Variants in CCDC141 observed in about 807,000 individuals in gnomAD.
CCDC141 encodes the protein coiled-coil domain containing 141.
Under a neutral mutation model 181.0 loss-of-function variants are expected in CCDC141, and 168 were observed. The ratio of observed to expected loss-of-function variants is 0.93; its 90% CI spans 0.82 to 1.05. The LOEUF is 1.05. Among genes scored for constraint, CCDC141 ranks in the 50% least tolerant of loss-of-function variants. CCDC141 has a pLI of 0.00. For missense variants in CCDC141, 1,902 were observed against 1,788.5 expected, an observed-to-expected ratio of 1.06 and a Z score of -1.14; for synonymous variants, 666 against 642.3, an observed-to-expected ratio of 1.04 and a Z score of -0.56.
intron 12 of CCDC141, 47 bp from the exon 13 acceptor site, chr2:178,872,359 A>G: frequency 6.6e-7 from 1 of 1,520,704 alleles, no homozygotes; most frequent in Non-Finnish European, 9.0e-7. Context: ...CCCAAGAGAT[A>G]CAGCTTTTTG....
intron 2 of CCDC141, 45 bp from the exon 3 acceptor site, chr2:178,978,720 G>A: frequency 5.1e-6 from 7 of 1,372,048 alleles, no homozygotes; most frequent in Non-Finnish European, 6.8e-6. Context: ...TTAACTTAAT[G>A]TAAGAACACA....
Position 178,845,606 on chromosome 2 carries a change from G to A in CCDC141, c.3474+20C>T, listed in dbSNP as rs755562230. On this transcript the variant is annotated intron_variant, in intron 22 of 23. Transcript: ENST00000443758. ...CAAAGCAAAAGTCCTCAATAGCTGA[G>A]GTTAAGTAGTTTTCTTTACCTTATT... 7.5e-7 allele frequency: 1 copy of A among 1,334,264 alleles called. No homozygotes were observed. Among genetic ancestry groups the A allele is most frequent in the Admixed American group, 1.7e-5 (1 of 59,426 alleles). The allele number at this position is 1,334,264 out of a possible 1,614,324, so 82.7% of individuals were successfully genotyped here.
At chr2:178,881,494 A>G (rs1184980817) in intron 11 of CCDC141, among the ~76,000 whole-genome samples, 1 of 152,220 alleles carries the variant, frequency 6.6e-6, no homozygotes, top group African/African-American at 2.4e-5. Context: ...TACGGCAGAA[A>G]GATTAAGAGG....
chr2:178,973,172 A>G (rs528076441), intron 4 of CCDC141, among the ~76,000 whole-genome samples: 1 of 152,280 alleles, frequency 6.6e-6, no homozygotes, highest in East Asian at 1.9e-4. Context: ...ATCATATCCC[A>G]TGGAATTAGT....
chr2:178,890,641 T>G (rs1687102764), intron 8 of CCDC141, among the ~76,000 whole-genome samples: 1 of 152,166 alleles, frequency 6.6e-6, no homozygotes. Context: ...TGCTCTAGCA[T>G]CCCCTCCTGC....
downstream of CCDC141, among the ~76,000 whole-genome samples, chr2:178,825,992 T>C (rs1467191477): frequency 3.3e-5 from 5 of 152,204 alleles, no homozygotes; most frequent in Non-Finnish European, 7.3e-5. Context: ...CACTAGTTAG[T>C]GTTTCCAGTC....
At chr2:179,040,308 T>G (rs2043261025) in intron 2 of CCDC141, among the ~76,000 whole-genome samples, 1 of 152,202 alleles carries the variant, frequency 6.6e-6, no homozygotes, top group Admixed American at 6.5e-5. Flanking sequence ...AAGAACAAGA[T>G]GTTTAATTCT....
At position 178,985,408 on chromosome 2, in the gene CCDC141, T is replaced by C. The variant is rs1482508315; in HGVS notation, c.226-6733A>G. On this transcript the variant is annotated intron_variant, in intron 2 of 23. Transcript: ENST00000443758. The stretch of plus-strand genomic sequence containing the variant: ...ACCCTAACATCACAATTAAAAGAAC[T>C]AGAAAAGCAAGAGCAAACACATTCA... Among the ~76,000 whole-genome samples the C allele has an allele frequency of 3.6e-5, 5 of 137,108 alleles. No homozygotes were observed. The East Asian group carries it at 1.1e-3, about 29-fold the overall frequency. The allele number at this position is 137,108 out of a possible 152,430, so 89.9% of individuals were successfully genotyped here. A position where few individuals can be genotyped will look rare whatever the true frequency, so the allele number is the denominator to read the frequency against.
At chr2:178,923,852 G>C (rs1451854219) in intron 6 of CCDC141, among the ~76,000 whole-genome samples, 1 of 152,104 alleles carries the variant, frequency 6.6e-6, no homozygotes, top group Non-Finnish European at 1.5e-5. Context: ...TTGATTGAAA[G>C]GGTACTTTTA....
intron 5 of CCDC141, 57 bp downstream of exon 5, chr2:178,961,173 C>A (rs1690378995): frequency 3.3e-6 from 5 of 1,523,576 alleles, no homozygotes; most frequent in Non-Finnish European, 4.4e-6. Context: ...AATGGTTAAT[C>A]CATATAACAA....
downstream of CCDC141, among the ~76,000 whole-genome samples, chr2:178,827,390 T>C (rs1283825355): frequency 6.6e-6 from 1 of 152,248 alleles, no homozygotes; most frequent in Non-Finnish European, 1.5e-5. Flanking sequence ...TTAGGTCATG[T>C]ATTTCCTAAT....
chr2:178,977,602 A>G (rs1559021124), intron 3 of CCDC141, among the ~76,000 whole-genome samples: 1 of 152,192 alleles, frequency 6.6e-6, no homozygotes, highest in Non-Finnish European at 1.5e-5. Flanking sequence ...CAAGTTCATG[A>G]TGCATGAGAT....
intron 5 of CCDC141, among the ~76,000 whole-genome samples, chr2:178,953,038 T>C (rs149899158): frequency 3.9e-4 from 59 of 152,316 alleles, no homozygotes; most frequent in African/African-American, 1.3e-3. Context: ...ATGCTCAACA[T>C]TGACCAATGT....
At position 178,878,300 on chromosome 2, in the gene CCDC141, T is replaced by TTTATTTATTTATTTTA. The variant is rs11282658; in HGVS notation, c.1720-158_1720-157insTAAAATAAATAAATAA. On this transcript the variant is annotated intron_variant, in intron 11 of 23. Transcript: ENST00000443758. ...ATTTATTTATTTATTTATTTATTTA[T>TTTATTTATTTATTTTA]TTTATTTATTTTAAGAGATAAGGTC... Among the ~76,000 whole-genome samples, 1,321 of 142,996 alleles carry TTTATTTATTTATTTTA rather than the reference T, an allele frequency of 9.2e-3. 15 individuals are homozygous for TTTATTTATTTATTTTA. Among genetic ancestry groups the TTTATTTATTTATTTTA allele is most frequent in the African/African-American group, 0.023 (887 of 39,134 alleles). 93.8% of individuals were successfully genotyped at this position (142,996 alleles called of 152,430 possible). A position where few individuals can be genotyped will look rare whatever the true frequency, so the allele number is the denominator to read the frequency against.
chr2:178,972,250 A>C (rs910684609), intron 4 of CCDC141, among the ~76,000 whole-genome samples: 3 of 152,008 alleles, frequency 2.0e-5, no homozygotes, highest in African/African-American at 4.8e-5. Context: ...GCTTAGAGTA[A>C]ATTTTCTTCT....
At position 178,853,499 on chromosome 2, in the gene CCDC141, T is replaced by C. The variant is rs1685254415; in HGVS notation, c.3186A>G (p.Ser1062=). The C allele has an allele frequency of 6.2e-7, 1 of 1,614,178 alleles. No homozygotes were observed. The highest frequency in any genetic ancestry group is 8.5e-7 in the Non-Finnish European group (1 of 1,179,992). The change falls in exon 20 of 24, where the codon TCA becomes TCG. Residue 1062 remains serine (S), a synonymous_variant. Coordinates refer to ENST00000443758, the MANE Select transcript of CCDC141 (RefSeq NM_173648.4). ...GAATCCTTTCTTCTTGCTGCGGCAC[T>C]GAGGGTGCAATAAACTTATTAAACT... The part of the protein sequence containing the change: ...HQQFNKFIAP[S]VPQQEERIQE...
chr2:178,909,093 T>C (rs1220502818), intron 7 of CCDC141, among the ~76,000 whole-genome samples: 2 of 152,314 alleles, frequency 1.3e-5, no homozygotes, highest in Middle Eastern at 3.4e-3. Context: ...TGGAATTAGA[T>C]GCCAAAACCA....
chr2:178,879,983 T>A (rs1686523216), intron 11 of CCDC141, among the ~76,000 whole-genome samples: 1 of 152,234 alleles, frequency 6.6e-6, no homozygotes, highest in South Asian at 2.1e-4. Context: ...TCAACCTGTT[T>A]CCTGCTGTAA....
At chr2:178,862,706 T>C (rs1443965601) in intron 17 of CCDC141, among the ~76,000 whole-genome samples, 1 of 152,250 alleles carries the variant, frequency 6.6e-6, no homozygotes, top group Non-Finnish European at 1.5e-5. Flanking sequence ...AAAATAAGGT[T>C]CTACAATTTC....
Sources: gnomAD v4.1 joint callset for allele counts (sites outside exome capture counted in the v4.1 genomes callset) on GRCh38, gnomAD v4.1.1 for gene constraint, MANE v1.5 for transcripts, NCBI Gene and HGNC (gene_info 2026-07-23, HGNC 2026-07-21) for gene names.